The following HDAC1 variants were observed in gnomAD, a reference collection of about 807,000 sequenced individuals.
The protein encoded by HDAC1 is histone deacetylase 1.
Under a neutral mutation model 65.5 loss-of-function variants are expected in HDAC1, and 18 were observed. That is an observed-to-expected ratio of 0.27 (90% CI 0.19 to 0.41). The LOEUF is 0.41. Among genes scored for constraint, HDAC1 ranks in the 10% least tolerant of loss-of-function variants. The probability of loss-of-function intolerance (pLI) is 1.00; values close to 1 mark genes in which losing one functional copy is unlikely to be tolerated. For synonymous variants in HDAC1, 211 were observed against 227.9 expected (o/e 0.93, Z 0.67); for missense variants, 373 against 625.2 (o/e 0.60, Z 4.30).
intron 3 of HDAC1, among the ~76,000 whole-genome samples, chr1:32,319,010 T>G (rs973701645): frequency 6.6e-6 from 1 of 152,072 alleles, no homozygotes; most frequent in Non-Finnish European, 1.5e-5. Context: ...TTCCAGCTAC[T>G]CAGGAGGCTG....
At chr1:32,307,228 A>G (rs1324799233) in intron 2 of HDAC1, among the ~76,000 whole-genome samples, 1 of 152,180 alleles carries the variant, frequency 6.6e-6, no homozygotes, top group Non-Finnish European at 1.5e-5. Context: ...GTGGGCAACA[A>G]GAGTGAAACT....
At chr1:32,302,114 TTA>T (rs1341668906) in intron 1 of HDAC1, among the ~76,000 whole-genome samples, 2 of 152,204 alleles carry the variant, frequency 1.3e-5, no homozygotes, top group African/African-American at 4.8e-5. Flanking sequence ...GTGATAAGTT[TTA>T]GTTTTCTTAT....
chr1:32,311,352 C>T (rs374254449), intron 2 of HDAC1, among the ~76,000 whole-genome samples: 1 of 151,972 alleles, frequency 6.6e-6, no homozygotes, highest in African/African-American at 2.4e-5. Flanking sequence ...CCTGTAATCC[C>T]AGCTACTCAG....
chr1:32,327,379 C>CCCGG lies in HDAC1; in HGVS notation c.495-153_495-150dup, dbSNP rs1641233657. On this transcript the variant is annotated intron_variant, in intron 5 of 13. Coordinates refer to ENST00000373548, the MANE Select transcript of HDAC1 (RefSeq NM_004964.3). This position sits in a 1 kb window ranked among gnomAD's most constrained non-coding sequence, Gnocchi z 6.0. Reference sequence around the variant, plus strand: ...CGGCTTGGTCAGGCCTCTGGAGACACCCGGCCGCTCTTCCACCTTCCTTCA... The same window carrying CCCGG: ...CGGCTTGGTCAGGCCTCTGGAGACACCCGGCCGGCCGCTCTTCCACCTTCCTTCA... 1 of 682,988 alleles carries CCCGG rather than the reference C, an allele frequency of 1.5e-6. No homozygotes were observed. The highest frequency in any genetic ancestry group is 2.4e-5 in the Admixed American group (1 of 41,654). 42.3% of individuals were successfully genotyped at this position (682,988 alleles called of 1,614,324 possible). A position where few individuals can be genotyped will look rare whatever the true frequency, so the allele number is the denominator to read the frequency against.
intron 6 of HDAC1, among the ~76,000 whole-genome samples, chr1:32,328,754 C>A (rs1641252643): frequency 6.6e-6 from 1 of 152,198 alleles, no homozygotes; most frequent in African/African-American, 2.4e-5. Context: ...TTCTGTGACT[C>A]ACCTGCCAGC....
chr1:32,318,899 A>G (rs1450655809), intron 3 of HDAC1, among the ~76,000 whole-genome samples: 1 of 152,016 alleles, frequency 6.6e-6, no homozygotes, highest in Non-Finnish European at 1.5e-5. Flanking sequence ...CAAGCAGATC[A>G]CCTGGGGTCG....
intron 12 of HDAC1, 105 bp from the exon 13 acceptor site, chr1:32,332,596 T>G: frequency 1.2e-6 from 1 of 815,096 alleles, no homozygotes; most frequent in Non-Finnish European, 2.0e-6. Context: ...TCTCTTTATG[T>G]CCAGTGAGCT....
chr1:32,323,764 C>T (rs1045918756), intron 3 of HDAC1, among the ~76,000 whole-genome samples: 8 of 152,192 alleles, frequency 5.3e-5, no homozygotes, highest in Admixed American at 4.6e-4. Flanking sequence ...TGAATGATCT[C>T]GGGTATTTAA....
Position 32,316,719 on chromosome 1 carries a change from A to G in HDAC1, c.217A>G (p.Ile73Val). ...EMTKYHSDDY[I>V]KFLRSIRPDN... The stretch of plus-strand genomic sequence containing the variant: ...GACCAAGTACCACAGCGATGACTAC[A>G]TTAAATTCTTGCGCTCCATCCGTCC... Residue 73 changes from isoleucine (I) to valine (V), a missense_variant, in exon 3 of 14, where the codon ATT becomes GTT. Physicochemically the swap from Ile to Val is conservative, Grantham distance 29. This residue lies in a region of HDAC1 where 80 missense variants were observed against 126.3 expected (regional missense o/e 0.63). Transcript: ENST00000373548. 1 of 1,614,104 alleles carries G rather than the reference A, an allele frequency of 6.2e-7. No individual in the cohort carries two copies. The highest frequency in any genetic ancestry group is 8.5e-7 in the Non-Finnish European group (1 of 1,179,948).
chr1:32,333,323 T>A lies in HDAC1; in HGVS notation c.*279T>A, dbSNP rs574157330. 25 of 278,078 alleles carry A rather than the reference T, an allele frequency of 9.0e-5. No homozygotes were observed. The South Asian group carries it at 1.9e-3, about 22-fold the overall frequency. The allele number at this position is 278,078 out of a possible 1,614,324, so 17.2% of individuals were successfully genotyped here. The stretch of plus-strand genomic sequence containing the variant: ...ACTTTTATGCAACCATAAGACAAAC[T>A]CCTGAAATGCCAAGTGCCTGCTTAG... On this transcript the variant is annotated 3_prime_UTR_variant, in exon 14 of 14. Coordinates refer to ENST00000373548, the MANE Select transcript of HDAC1 (RefSeq NM_004964.3).
chr1:32,332,034 C>A, intron 11 of HDAC1, 56 bp from the exon 12 acceptor site: 1 of 1,496,780 alleles, frequency 6.7e-7, no homozygotes, highest in Non-Finnish European at 8.9e-7. Context: ...GGCATAGATG[C>A]TGAGCTAAAT....
At chr1:32,293,168 A>C (rs1031607567) in intron 1 of HDAC1, among the ~76,000 whole-genome samples, 4 of 151,788 alleles carry the variant, frequency 2.6e-5, no homozygotes, top group Admixed American at 6.6e-5. Context: ...TAAAAATACA[A>C]AATTAGCCGC....
At position 32,331,804 on chromosome 1, in the gene HDAC1, C is replaced by T. The variant is rs764344214; in HGVS notation, c.1217C>T (p.Ser406Leu). The change falls in exon 11 of 14, where the codon TCG becomes TTG. Residue 406 changes from serine to leucine, a missense_variant and splice_region_variant. Coordinates refer to ENST00000373548, the MANE Select transcript of HDAC1 (RefSeq NM_004964.3). This position sits in a 1 kb window ranked among gnomAD's most constrained non-coding sequence, Gnocchi z 4.2. ...EDEDDPDKRI[S>L]ICSSDKRIAC... is the part of the protein sequence containing the mutation. ...GAAGACGACCCTGACAAGCGCATCT[C>T]GAGTGAGACCCAGACCTAGAGCCCT... 3.1e-6 allele frequency: 5 copies of T among 1,609,092 alleles called. No individual in the cohort carries two copies. The highest frequency in any genetic ancestry group is 1.1e-5 in the South Asian group (1 of 90,516).
intron 11 of HDAC1, 88 bp from the exon 12 acceptor site, chr1:32,332,002 G>A (rs1458523553): frequency 2.8e-6 from 4 of 1,443,566 alleles, no homozygotes; most frequent in Non-Finnish European, 2.8e-6. Context: ...GTGTCTCTTG[G>A]AGGACACGCA....
At chr1:32,303,277 C>T (rs1037003032) in intron 2 of HDAC1, among the ~76,000 whole-genome samples, 12 of 151,946 alleles carry the variant, frequency 7.9e-5, no homozygotes, top group African/African-American at 2.9e-4. Context: ...CCATCCGGGT[C>T]AACATGGCAA....
chr1:32,296,885 C>T (rs1640774390), intron 1 of HDAC1, among the ~76,000 whole-genome samples: 1 of 152,092 alleles, frequency 6.6e-6, no homozygotes, highest in African/African-American at 2.4e-5. Flanking sequence ...GAAACCGGAG[C>T]CCAGCTAGAG....
At chr1:32,313,736 G>A (rs1641021691) in intron 2 of HDAC1, among the ~76,000 whole-genome samples, 1 of 152,172 alleles carries the variant, frequency 6.6e-6, no homozygotes, top group South Asian at 2.1e-4. Flanking sequence ...TTCTCCCCAT[G>A]TCTGTGTAGG....
At chr1:32,306,994 C>T (rs1417193843) in intron 2 of HDAC1, among the ~76,000 whole-genome samples, 1 of 152,096 alleles carries the variant, frequency 6.6e-6, no homozygotes, top group Non-Finnish European at 1.5e-5. Context: ...GTCTGTAATC[C>T]CAGCACTTTG....
intron 1 of HDAC1, among the ~76,000 whole-genome samples, chr1:32,296,319 G>A (rs1640766145): frequency 6.6e-6 from 1 of 152,180 alleles, no homozygotes; most frequent in African/African-American, 2.4e-5. Flanking sequence ...AAGCTAGATT[G>A]TGGTAGATTG....
Sources: allele counts gnomAD v4.1 joint callset (sites outside exome capture counted in the v4.1 genomes callset), GRCh38; gene constraint gnomAD v4.1.1; regional missense constraint gnomAD v4.1.1; non-coding constraint Gnocchi (gnomAD v3.1); transcripts MANE v1.5; gene names NCBI Gene and HGNC (gene_info 2026-07-23, HGNC 2026-07-21).